Variants in UST observed in about 807,000 individuals in gnomAD.
UST encodes chondroitin sulfate 2-O-sulfotransferase.
A neutral mutation model predicts 45.6 loss-of-function variants in UST; 21 were observed. The observed-to-expected ratio is 0.46, with a 90% confidence interval of 0.33 to 0.66. The LOEUF is 0.66. Among genes scored for constraint, UST ranks in the 30% least tolerant of loss-of-function variants. UST has a pLI of 0.02. For synonymous variants in UST, 215 were observed against 200.6 expected, an observed-to-expected ratio of 1.07 and a Z score of -0.61; for missense variants, 463 against 512.4, an observed-to-expected ratio of 0.90 and a Z score of 0.93.
At chr6:148,948,122 A>G (rs776616448) in intron 3 of UST, among the ~76,000 whole-genome samples, 1 of 152,108 alleles carries the variant, frequency 6.6e-6, no homozygotes. Flanking sequence ...CCCGCAGGCC[A>G]TCCTGCCTCC....
At chr6:148,775,160 C>T (rs1158121142) in intron 1 of UST, among the ~76,000 whole-genome samples, 1 of 152,198 alleles carries the variant, frequency 6.6e-6, no homozygotes, top group Non-Finnish European at 1.5e-5. Context: ...CCCTCCTAGG[C>T]CCGCCCTCTA....
At chr6:148,816,552 C>T (rs541666133) in intron 1 of UST, among the ~76,000 whole-genome samples, 2 of 152,198 alleles carry the variant, frequency 1.3e-5, no homozygotes, top group African/African-American at 4.8e-5. Flanking sequence ...TAGTAAATAG[C>T]TGGTTCCTAT....
chr6:148,976,303 A>G (rs530195567), intron 5 of UST, among the ~76,000 whole-genome samples: 1 of 152,258 alleles, frequency 6.6e-6, no homozygotes, highest in East Asian at 1.9e-4. Flanking sequence ...AACTTTGCCA[A>G]TTTCTGTGGT....
At chr6:148,966,271 A>G (rs1247278163) in intron 5 of UST, among the ~76,000 whole-genome samples, 3 of 151,950 alleles carry the variant, frequency 2.0e-5, no homozygotes. Flanking sequence ...ACTATAGGTT[A>G]TGAATATGAC....
intron 7 of UST, among the ~76,000 whole-genome samples, chr6:149,037,447 A>G (rs1776253975): frequency 6.6e-6 from 1 of 152,206 alleles, no homozygotes; most frequent in Admixed American, 6.5e-5. Context: ...AACAAACTCA[A>G]AGAAAACACG....
At chr6:148,854,810 G>A (rs1292454485) in intron 1 of UST, among the ~76,000 whole-genome samples, 1 of 152,156 alleles carries the variant, frequency 6.6e-6, no homozygotes, top group Non-Finnish European at 1.5e-5. Context: ...AGAAGCCTCT[G>A]TTGCTGAAAT....
intron 1 of UST, among the ~76,000 whole-genome samples, chr6:148,842,937 A>T (rs998683975): frequency 6.6e-6 from 1 of 152,166 alleles, no homozygotes; most frequent in African/African-American, 2.4e-5. Flanking sequence ...GGAAATAGAT[A>T]TTAAATAAAA....
At chr6:148,788,195 C>T (rs958333704) in intron 1 of UST, among the ~76,000 whole-genome samples, 1 of 152,244 alleles carries the variant, frequency 6.6e-6, no homozygotes, top group Non-Finnish European at 1.5e-5. Flanking sequence ...TATTTACTAC[C>T]ACGAGAACAG....
chr6:148,864,572 T>C (rs943014111), intron 1 of UST, among the ~76,000 whole-genome samples: 30 of 152,356 alleles, frequency 2.0e-4, no homozygotes, highest in African/African-American at 7.0e-4. Flanking sequence ...CACCCGTCTC[T>C]GTATTGCTCA....
intron 2 of UST, among the ~76,000 whole-genome samples, chr6:148,910,387 G>T (rs576550314): frequency 3.3e-5 from 5 of 152,004 alleles, no homozygotes; most frequent in African/African-American, 7.3e-5. Flanking sequence ...TGATCCGCCC[G>T]CCTGAACCTC....
At chr6:149,033,242 G>A (rs1371785476) in intron 7 of UST, among the ~76,000 whole-genome samples, 11 of 152,328 alleles carry the variant, frequency 7.2e-5, no homozygotes, top group East Asian at 1.9e-4. Flanking sequence ...CCCTTGGCTC[G>A]TGGCCTTAGC....
chr6:148,874,870 A>G (rs1314495117), intron 1 of UST, among the ~76,000 whole-genome samples: 1 of 152,214 alleles, frequency 6.6e-6, no homozygotes, highest in African/African-American at 2.4e-5. Flanking sequence ...AAAGTGTGGC[A>G]TTAGCATAAT....
rs748602820 is a variant in UST at position 148,747,498 on chromosome 6, G to T, written c.68G>T (p.Gly23Val). Residue 23 changes from glycine (G) to valine (V), a missense_variant, in exon 1 of 8, where the codon GGC becomes GTC. By Grantham distance (109) the Gly-to-Val change is moderately radical. Coordinates refer to ENST00000367463, the MANE Select transcript of UST (RefSeq NM_005715.3). ...DPWPHGAPMG[G>V]APPGLGSWKR... ...TGGCCCCATGGGGCCCCTATGGGGG[G>T]CGCCCCTCCGGGCCTGGGCAGCTGG... is the stretch of plus-strand genomic sequence containing the variant. 4 of 1,521,656 alleles carry T rather than the reference G, an allele frequency of 2.6e-6. No homozygotes were observed. The highest frequency in any genetic ancestry group is 3.5e-6 in the Non-Finnish European group (4 of 1,134,324). The allele number at this position is 1,521,656 out of a possible 1,614,324, so 94.3% of individuals were successfully genotyped here.
Position 148,796,622 on chromosome 6 carries a change from T to TAA in UST, c.247+48945_247+48946insAA, listed in dbSNP as rs1449754454. Among the ~76,000 whole-genome samples, 166 of 44,424 alleles carry TAA rather than the reference T, an allele frequency of 3.7e-3. 17 individuals carry two copies. Among genetic ancestry groups the TAA allele is most frequent in the Middle Eastern group, 0.015 (1 of 66 alleles). 29.1% of individuals were successfully genotyped at this position (44,424 alleles called of 152,430 possible). On this transcript the variant is annotated intron_variant, in intron 1 of 7. Transcript: ENST00000367463. ...CTGGACGACAGGGCAAGACTCTGTCTCAAAAAAAAAAAAAAAAAAAAAAAA... is the reference window on the plus strand; with the variant it reads ...CTGGACGACAGGGCAAGACTCTGTCTAACAAAAAAAAAAAAAAAAAAAAAAAA...
intron 1 of UST, among the ~76,000 whole-genome samples, chr6:148,791,086 C>T (rs1367100033): frequency 6.6e-6 from 1 of 152,194 alleles, no homozygotes; most frequent in Non-Finnish European, 1.5e-5. Context: ...ACTCTGACTC[C>T]CTCAAGTGCA....
At chr6:148,954,449 C>T (rs1582920528) in intron 4 of UST, among the ~76,000 whole-genome samples, 1 of 152,140 alleles carries the variant, frequency 6.6e-6, no homozygotes, top group East Asian at 1.9e-4. Context: ...ATACATTAAT[C>T]CATAAGATTA....
chr6:148,963,695 T>C (rs1160402386), intron 4 of UST, among the ~76,000 whole-genome samples: 3 of 152,216 alleles, frequency 2.0e-5, no homozygotes, highest in African/African-American at 7.2e-5. Flanking sequence ...AGAGCATAGA[T>C]TCTAGAGCCA....
intron 7 of UST, among the ~76,000 whole-genome samples, chr6:149,045,103 G>A (rs1776379422): frequency 6.6e-6 from 1 of 152,180 alleles, no homozygotes; most frequent in South Asian, 2.1e-4. Context: ...CAGATTCAGA[G>A]AGATTTAGGC....
chr6:148,994,597 C>T (rs1271655749), intron 5 of UST, among the ~76,000 whole-genome samples: 5 of 152,160 alleles, frequency 3.3e-5, no homozygotes, highest in Admixed American at 2.6e-4. Context: ...GGAAGACAAC[C>T]TGTGATTTTA....
Sources: gnomAD v4.1 joint callset for allele counts (sites outside exome capture counted in the v4.1 genomes callset) on GRCh38, gnomAD v4.1.1 for gene constraint, MANE v1.5 for transcripts, NCBI Gene and HGNC (gene_info 2026-07-23, HGNC 2026-07-21) for gene names.